DYM: variants seen among roughly 807,000 people sequenced by gnomAD.
DYM encodes dyggve-Melchior-Clausen syndrome protein.
Under a neutral mutation model 93.1 loss-of-function variants are expected in DYM, and 78 were observed. The observed-to-expected ratio is 0.84, with a 90% confidence interval of 0.70 to 1.01. The LOEUF is 1.01. DYM is among the 50% of genes least tolerant of loss of function. The pLI, the probability that DYM is intolerant of heterozygous loss-of-function variation, is 0.00. For synonymous variants in DYM, 321 were observed against 319.7 expected (o/e 1.00, Z -0.04); for missense variants, 789 against 845.0 (o/e 0.93, Z 0.82).
At chr18:49,440,046 AAATAAAT>A (rs2081199986) in intron 1 of DYM, among the ~76,000 whole-genome samples, 1 of 144,728 alleles carries the variant, frequency 6.9e-6, no homozygotes, top group South Asian at 2.3e-4. Flanking sequence ...ATAAATAAAT[AAATAAAT>A]AAAACATGAT....
At chr18:49,262,373 T>A (rs1730176181) in intron 11 of DYM, among the ~76,000 whole-genome samples, 1 of 152,146 alleles carries the variant, frequency 6.6e-6, no homozygotes. Context: ...AGACAATAAA[T>A]TTCTATTGTT....
chr18:49,197,683 G>C (rs1394063511), intron 14 of DYM, among the ~76,000 whole-genome samples: 3 of 152,232 alleles, frequency 2.0e-5, no homozygotes, highest in Non-Finnish European at 2.9e-5. Context: ...GGGACGTGAA[G>C]GACCTCTTCA....
At position 49,250,885 on chromosome 18, in the gene DYM, A is replaced by G. The variant is rs141585944; in HGVS notation, c.1460+6125T>C. Among the ~76,000 whole-genome samples, 127 of 152,348 alleles carry G rather than the reference A, an allele frequency of 8.3e-4. 1 individual carries two copies. The highest frequency in any genetic ancestry group is 2.9e-3 in the African/African-American group (121 of 41,578). On this transcript the variant is annotated intron_variant, in intron 13 of 17. Transcript: ENST00000675505. ...GGTATATGGCAAATGGCAATTGAAG[A>G]CGAAGGGCAAAGGGCAGGGCCCAGA...
At chr18:49,426,085 A>C (rs1158428742) in intron 2 of DYM, among the ~76,000 whole-genome samples, 2 of 152,290 alleles carry the variant, frequency 1.3e-5, no homozygotes. Context: ...TGCTATCAAG[A>C]CACATGCACA....
At position 49,259,621 on chromosome 18, in the gene DYM, A is replaced by C. The variant is rs529648180; in HGVS notation, c.1252-1128T>G. ...TGGAAATAATAAATTGTTAGGAAGAATTTAAACATTATTGTTGATTTTATT... is the reference window on the plus strand; with the variant it reads ...TGGAAATAATAAATTGTTAGGAAGACTTTAAACATTATTGTTGATTTTATT... On this transcript the variant is annotated intron_variant, in intron 11 of 17. Transcript: ENST00000675505. Among the ~76,000 whole-genome samples, 113 of 152,352 alleles carry C rather than the reference A, an allele frequency of 7.4e-4. 2 individuals are homozygous for C. The highest frequency in any genetic ancestry group is 2.7e-3 in the African/African-American group (112 of 41,594).
intron 8 of DYM, among the ~76,000 whole-genome samples, chr18:49,291,327 C>A (rs523373): frequency 0.54 from 82,825 of 152,032 alleles, 24,148 homozygotes; most frequent in Non-Finnish European, 0.66. Context: ...CTGTTCATTT[C>A]TAATATTTTG....
intron 14 of DYM, among the ~76,000 whole-genome samples, chr18:49,164,649 T>C (rs73441566): frequency 0.025 from 3,837 of 152,278 alleles, 160 homozygotes; most frequent in African/African-American, 0.086. Context: ...TTTGTATAAA[T>C]GTTAAGCTGT....
intron 17 of DYM, among the ~76,000 whole-genome samples, chr18:49,064,254 T>A (rs2076220995): frequency 3.9e-5 from 6 of 152,332 alleles, no homozygotes; most frequent in Admixed American, 3.9e-4. Flanking sequence ...AGATTCGAGT[T>A]TGGAAATATA....
chr18:49,280,441 T>C (rs976151771), intron 10 of DYM, among the ~76,000 whole-genome samples: 3 of 152,206 alleles, frequency 2.0e-5, no homozygotes, highest in Admixed American at 2.0e-4. Flanking sequence ...TCATCAGGAA[T>C]ATTCTGCAAC....
intron 16 of DYM, among the ~76,000 whole-genome samples, chr18:49,108,917 G>A (rs575099764): frequency 2.2e-4 from 34 of 152,142 alleles, no homozygotes; most frequent in Non-Finnish European, 4.3e-4. Context: ...TGGTTGTTAC[G>A]TCTCCTTGGT....
rs1024053568 is a variant in DYM at position 49,042,710 on chromosome 18, G to A, written c.*1345C>T. ...GACCAAATACTTTTTCTTTGAGAATGAAACTAGGCTCCTTATCTAGACTGT... is the reference window on the plus strand; with the variant it reads ...GACCAAATACTTTTTCTTTGAGAATAAAACTAGGCTCCTTATCTAGACTGT... On this transcript the variant is annotated 3_prime_UTR_variant, in exon 18 of 18. Coordinates refer to ENST00000675505, the MANE Select transcript of DYM (RefSeq NM_001353214.3). 7.9e-5 allele frequency: 12 copies of A among 152,202 alleles called. No homozygotes were observed. The highest frequency in any genetic ancestry group is 2.9e-4 in the African/African-American group (12 of 41,450). The allele number at this position is 152,202 out of a possible 1,614,324, so 9.4% of individuals were successfully genotyped here.
chr18:49,148,267 C>G (rs2085388528), intron 15 of DYM, among the ~76,000 whole-genome samples: 1 of 151,464 alleles, frequency 6.6e-6, no homozygotes, highest in Non-Finnish European at 1.5e-5. Flanking sequence ...GGGTGCAGCA[C>G]ACCAACATGG....
At chr18:49,273,622 C>T (rs149328584) in intron 10 of DYM, among the ~76,000 whole-genome samples, 93 of 152,128 alleles carry the variant, frequency 6.1e-4, no homozygotes, top group South Asian at 5.0e-3. Flanking sequence ...GTATTTAGTA[C>T]GGTAACATGA....
At chr18:49,318,953 A>T (rs1344785870) in intron 8 of DYM, among the ~76,000 whole-genome samples, 1 of 151,278 alleles carries the variant, frequency 6.6e-6, no homozygotes, top group African/African-American at 2.4e-5. Context: ...GGCACCTGCC[A>T]CCACGCCCAA....
chr18:49,130,415 G>C (rs1052385795), intron 15 of DYM, among the ~76,000 whole-genome samples: 16 of 152,162 alleles, frequency 1.1e-4, no homozygotes, highest in African/African-American at 3.9e-4. Context: ...CCTCGGATTC[G>C]AATGTCCTAG....
At chr18:49,082,819 C>A (rs1453889444) in intron 17 of DYM, among the ~76,000 whole-genome samples, 1 of 152,184 alleles carries the variant, frequency 6.6e-6, no homozygotes, top group Non-Finnish European at 1.5e-5. Flanking sequence ...GGGCCTCAAG[C>A]ACAATGCTGA....
chr18:49,250,331 G>GT (rs2094258058), intron 13 of DYM, among the ~76,000 whole-genome samples: 1 of 152,238 alleles, frequency 6.6e-6, no homozygotes, highest in Non-Finnish European at 1.5e-5. Context: ...CCAGTATGTT[G>GT]TAAGTACCTA....
At chr18:49,286,394 T>A in intron 9 of DYM, 40 bp downstream of exon 9, 1 of 1,598,460 alleles carries the variant, frequency 6.3e-7, no homozygotes, top group Non-Finnish European at 8.6e-7. Context: ...AGCAATACTC[T>A]CCCCATTACA....
intron 15 of DYM, among the ~76,000 whole-genome samples, chr18:49,147,040 C>T (rs1323676759): frequency 7.9e-5 from 12 of 152,032 alleles, no homozygotes; most frequent in African/African-American, 2.2e-4. Context: ...GAAATAATGC[C>T]GCATATCTAC....
Sources: gnomAD v4.1 joint callset for allele counts (sites outside exome capture counted in the v4.1 genomes callset) on GRCh38, gnomAD v4.1.1 for gene constraint, MANE v1.5 for transcripts, NCBI Gene and HGNC (gene_info 2026-07-23, HGNC 2026-07-21) for gene names.